The following ABCA8 variants were observed in gnomAD, a reference collection of about 807,000 sequenced individuals.
ABCA8 encodes the protein ABC-type organic anion transporter ABCA8.
In ABCA8, 177 loss-of-function variants were observed where a neutral mutation model predicts 192.3. That is an observed-to-expected ratio of 0.92 (90% confidence interval 0.81 to 1.04). The LOEUF is 1.04. Among genes scored for constraint, ABCA8 ranks in the 50% least tolerant of loss-of-function variants. ABCA8 has a pLI of 0.00. For synonymous variants in ABCA8, 642 were observed against 690.2 expected (o/e 0.93, Z 1.09); for missense variants, 1,915 against 1,904.8 (o/e 1.01, Z -0.10).
At chr17:68,886,905 G>GT (rs1437287228) in intron 26 of ABCA8, 112 bp downstream of exon 26, 3 of 507,328 alleles carry the variant, frequency 5.9e-6, no homozygotes, top group Non-Finnish European at 9.7e-6. Context: ...TTGTAATCTT[G>GT]TGTTTATTAT....
rs576519488 is a variant in ABCA8, at chr17:68,932,073, G to A, written c.797+215C>T. ...AAAATACAAAAAATTATCCAGGCATGGTGGTCGGCACCTGCAGTCCCAGCT... is the reference window on the plus strand; with the variant it reads ...AAAATACAAAAAATTATCCAGGCATAGTGGTCGGCACCTGCAGTCCCAGCT... On this transcript the variant is annotated intron_variant, in intron 7 of 39. Coordinates refer to ENST00000586539, the MANE Select transcript of ABCA8 (RefSeq NM_001288985.2). 7 of 395,176 alleles carry A rather than the reference G, an allele frequency of 1.8e-5. No homozygotes were observed. In the South Asian group the frequency reaches 2.1e-4, roughly 12 times the overall value. The allele number at this position is 395,176 out of a possible 1,614,324, so 24.5% of individuals were successfully genotyped here. A position where few individuals can be genotyped will look rare whatever the true frequency, so the allele number is the denominator to read the frequency against.
chr17:68,889,564 A>G (rs571591867), intron 24 of ABCA8, among the ~76,000 whole-genome samples: 9 of 152,236 alleles, frequency 5.9e-5, no homozygotes, highest in African/African-American at 1.9e-4. Context: ...TAATTCTCAA[A>G]CAAGAAAAAG....
At chr17:68,953,246 C>T (rs1410867744) in intron 1 of ABCA8, among the ~76,000 whole-genome samples, 1 of 152,168 alleles carries the variant, frequency 6.6e-6, no homozygotes, top group Non-Finnish European at 1.5e-5. Context: ...GAGCACAAAG[C>T]CAGCAGCTCC....
chr17:68,875,559 A>T, intron 36 of ABCA8, 55 bp downstream of exon 36: 2 of 1,602,308 alleles, frequency 1.2e-6, no homozygotes, highest in Non-Finnish European at 8.5e-7. Flanking sequence ...GCCACAGACA[A>T]AAATTTCCAG....
intron 39 of ABCA8, 45 bp from the exon 40 acceptor site, chr17:68,868,228 T>G: frequency 1.9e-6 from 3 of 1,607,424 alleles, no homozygotes; most frequent in Non-Finnish European, 2.6e-6. Flanking sequence ...AATGCCGTGC[T>G]GCCTCTGCAG....
At chr17:68,888,110 T>C (rs2066537776) in intron 24 of ABCA8, among the ~76,000 whole-genome samples, 1 of 149,646 alleles carries the variant, frequency 6.7e-6, no homozygotes, top group Admixed American at 6.7e-5. Context: ...CACACACATA[T>C]ATAATTGCTT....
At position 68,918,379 on chromosome 17, in the gene ABCA8, T is replaced by C. The variant is rs2067439378; in HGVS notation, c.1908+48A>G. On this transcript the variant is annotated intron_variant, in intron 15 of 39. Coordinates refer to ENST00000586539, the MANE Select transcript of ABCA8 (RefSeq NM_001288985.2). Reference sequence around the variant, plus strand: ...AAAATATTTGAACTATTACCAAAAGTTCCATTTTTTAAACTTTGAATTCAC... The same window carrying C: ...AAAATATTTGAACTATTACCAAAAGCTCCATTTTTTAAACTTTGAATTCAC... The C allele has an allele frequency of 3.3e-6, 5 of 1,535,926 alleles. No individual in the cohort carries two copies. The Admixed American group carries it at 8.3e-5, about 25-fold the overall frequency.
chr17:68,941,995 C>G lies in ABCA8; in HGVS notation c.40G>C (p.Ala14Pro). The G allele has an allele frequency of 6.2e-7, 1 of 1,613,248 alleles. No individual in the cohort carries two copies. The highest frequency in any genetic ancestry group is 8.5e-7 in the Non-Finnish European group (1 of 1,179,510). Residue 14 changes from alanine (A) to proline (P), a missense_variant, in exon 3 of 40, where the codon GCC becomes CCC. Coordinates refer to ENST00000586539, the MANE Select transcript of ABCA8 (RefSeq NM_001288985.2). The stretch of plus-strand genomic sequence containing the variant: ...TTAAGAAAGTTCTTGCATAATAAGG[C>G]CCAAGTTTGTTGACACACACTGATC... ...RKISVCQQTW[A>P]LLCKNFLKKW... is the part of the protein sequence containing the mutation.
At chr17:68,920,424 AT>A (rs757811203) in intron 13 of ABCA8, among the ~76,000 whole-genome samples, 2 of 152,040 alleles carry the variant, frequency 1.3e-5, no homozygotes, top group African/African-American at 4.8e-5. Context: ...AAATAAAAAA[AT>A]AAATACCTTA....
chr17:68,952,945 C>A (rs1598305644), intron 1 of ABCA8, among the ~76,000 whole-genome samples: 1 of 152,126 alleles, frequency 6.6e-6, no homozygotes, highest in East Asian at 1.9e-4. Context: ...TTTATACATA[C>A]AGTTTATTGC....
chr17:68,876,266 C>T (rs1598182488), intron 35 of ABCA8, 194 bp downstream of exon 35: 1 of 672,372 alleles, frequency 1.5e-6, no homozygotes, highest in Non-Finnish European at 2.5e-6. Flanking sequence ...ATTCTTTCTT[C>T]AATAAGAAAT....
chr17:68,903,301 A>G lies in ABCA8; in HGVS notation c.2597T>C (p.Leu866Pro). 6.2e-7 allele frequency: 1 copy of G among 1,614,106 alleles called. No individual in the cohort carries two copies. The highest frequency in any genetic ancestry group is 1.3e-5 in the African/African-American group (1 of 75,052). The change falls in exon 20 of 40, where the codon CTG (leucine) becomes CCG (proline). Residue 866 changes from leucine to proline, a missense_variant and splice_region_variant. Physicochemically the swap from Leu to Pro is moderately conservative, Grantham distance 98. Transcript: ENST00000586539. The part of the protein sequence containing the change: ...LKHERKALLA[L>P]LLILMAGFCP... ...AACCTATGGCAACTCTGATACTTACAGTGCTAAAAGAGCTTTTCTTTCATG... is the reference window on the plus strand; with the variant it reads ...AACCTATGGCAACTCTGATACTTACGGTGCTAAAAGAGCTTTTCTTTCATG...
At chr17:68,944,924 A>T (rs1315536084) in intron 2 of ABCA8, 1 of 152,330 alleles carries the variant, frequency 6.6e-6, no homozygotes, top group East Asian at 1.9e-4. Context: ...ATTGGCTGGT[A>T]TGTAGGGAGA....
At chr17:68,880,650 C>T (rs1412099715) in intron 32 of ABCA8, 2 of 166,416 alleles carry the variant, frequency 1.2e-5, no homozygotes, top group Non-Finnish European at 2.6e-5. Context: ...AGTATGCAAG[C>T]ATGGAGGTGG....
chr17:68,928,176 G>A, intron 9 of ABCA8, 113 bp from the exon 10 acceptor site: 1 of 803,112 alleles, frequency 1.2e-6, no homozygotes, highest in Non-Finnish European at 1.8e-6. Flanking sequence ...TGAGAATAGA[G>A]TTATATAGGG....
Position 68,918,705 on chromosome 17 carries a change from G to A in ABCA8, c.1789-159C>T, listed in dbSNP as rs146297471. ...TCTCAGCACTTTGGGAGGCTGAGGC[G>A]GGCAGATAACGAGGTGAGGAGTTCG... On this transcript the variant is annotated intron_variant, in intron 14 of 39. Coordinates refer to ENST00000586539, the MANE Select transcript of ABCA8 (RefSeq NM_001288985.2). Among the ~76,000 whole-genome samples the A allele has an allele frequency of 3.4e-3, 512 of 152,124 alleles. 3 individuals are homozygous for A. The highest frequency in any genetic ancestry group is 0.011 in the African/African-American group (470 of 41,494).
At chr17:68,943,902 C>T (rs747842770) in intron 2 of ABCA8, among the ~76,000 whole-genome samples, 23 of 151,802 alleles carry the variant, frequency 1.5e-4, no homozygotes, top group Non-Finnish European at 2.8e-4. Context: ...TGGAACCAAC[C>T]CAAATCCCCA....
At chr17:68,873,582 T>C (rs539380965) in intron 37 of ABCA8, among the ~76,000 whole-genome samples, 1 of 152,230 alleles carries the variant, frequency 6.6e-6, no homozygotes, top group Non-Finnish European at 1.5e-5. Context: ...TTTTTGTTTT[T>C]ATTGTCTATG....
intron 13 of ABCA8, among the ~76,000 whole-genome samples, chr17:68,920,444 CAAAA>C (rs984382433): frequency 8.4e-6 from 1 of 119,172 alleles, no homozygotes; most frequent in African/African-American, 3.1e-5. Flanking sequence ...TATTGCTTAA[CAAAA>C]AAAAAAAGAG....
Sources: gnomAD v4.1 joint callset for allele counts (sites outside exome capture counted in the v4.1 genomes callset) on GRCh38, gnomAD v4.1.1 for gene constraint, MANE v1.5 for transcripts, NCBI Gene and HGNC (gene_info 2026-07-23, HGNC 2026-07-21) for gene names.